Variants in VAV2 observed in about 807,000 individuals in gnomAD.
VAV2 encodes the protein guanine nucleotide exchange factor VAV2.
Under a neutral mutation model 132.5 loss-of-function variants are expected in VAV2, and 67 were observed. The ratio of observed to expected loss-of-function variants is 0.51; its 90% CI spans 0.42 to 0.62. The LOEUF is 0.62. Among genes scored for constraint, VAV2 ranks in the 20% least tolerant of loss-of-function variants. VAV2 has a pLI of 0.00. For synonymous variants in VAV2, 492 were observed against 443.5 expected, an observed-to-expected ratio of 1.11 and a Z score of -1.37; for missense variants, 938 against 1,153.6, an observed-to-expected ratio of 0.81 and a Z score of 2.71.
chr9:133,875,190 G>A (rs1353596014), intron 2 of VAV2, among the ~76,000 whole-genome samples: 1 of 152,210 alleles, frequency 6.6e-6, no homozygotes, highest in Non-Finnish European at 1.5e-5. Context: ...GCAAGCCGGG[G>A]CTCAGGAGGT....
At chr9:133,910,086 C>T (rs755633174) in intron 2 of VAV2, among the ~76,000 whole-genome samples, 1 of 152,194 alleles carries the variant, frequency 6.6e-6, no homozygotes, top group Non-Finnish European at 1.5e-5. Context: ...TCTGAAAAGT[C>T]GGCTTCAATG....
intron 8 of VAV2, among the ~76,000 whole-genome samples, 195 bp from the exon 9 acceptor site, chr9:133,806,376 G>C (rs1292977151): frequency 6.6e-6 from 1 of 152,210 alleles, no homozygotes. Flanking sequence ...TGGTGCAACA[G>C]AAGAGCCAGT....
At chr9:133,838,844 T>C (rs1055743847) in intron 3 of VAV2, among the ~76,000 whole-genome samples, 2 of 94,152 alleles carry the variant, frequency 2.1e-5, no homozygotes, top group Non-Finnish European at 4.0e-5. Context: ...GGTTGGTGGA[T>C]GGATGAATGG....
At chr9:133,894,845 G>A (rs966469275) in intron 2 of VAV2, among the ~76,000 whole-genome samples, 1 of 152,302 alleles carries the variant, frequency 6.6e-6, no homozygotes, top group Middle Eastern at 3.4e-3. Context: ...CTGCCATGAC[G>A]CTATGACCCT....
intron 1 of VAV2, among the ~76,000 whole-genome samples, chr9:133,959,320 C>T (rs1336120389): frequency 6.6e-6 from 1 of 152,148 alleles, no homozygotes; most frequent in African/African-American, 2.4e-5. Flanking sequence ...CCCTGCACCC[C>T]GACCCACCTC....
intron 2 of VAV2, among the ~76,000 whole-genome samples, chr9:133,937,507 A>AGAGTGTGTGTGCGTGTGAGAGT (rs56372919): frequency 6.7e-6 from 1 of 149,426 alleles, no homozygotes; most frequent in Non-Finnish European, 1.5e-5. Context: ...TGTGCGTGTG[A>AGAGTGTGTGTGCGTGTGAGAGT]GTGTGTGTGC....
At chr9:133,987,038 T>C (rs2132310170) in intron 1 of VAV2, among the ~76,000 whole-genome samples, 1 of 149,698 alleles carries the variant, frequency 6.7e-6, no homozygotes, top group South Asian at 2.1e-4. Flanking sequence ...TTATTATATA[T>C]TTATTTATTT....
chr9:133,808,846 C>G (rs969944932), intron 7 of VAV2, among the ~76,000 whole-genome samples, 194 bp downstream of exon 7: 8 of 152,206 alleles, frequency 5.3e-5, no homozygotes, highest in Admixed American at 2.0e-4. Flanking sequence ...TCAGGGGCTT[C>G]AGAGGAAAGG....
In VAV2 at chr9:133,885,810, T is replaced by C. The variant is rs887196693; in HGVS notation, c.322-24378A>G. On this transcript the variant is annotated intron_variant, in intron 2 of 29. Transcript: ENST00000371850. This position sits in a 1 kb window ranked among gnomAD's most constrained non-coding sequence, Gnocchi z 5.0. Reference sequence around the variant, plus strand: ...CCGGCACAAACCCTTCACAAAGCACTCACCCACTTACCCTTGGGCTGGAAG... The same window carrying C: ...CCGGCACAAACCCTTCACAAAGCACCCACCCACTTACCCTTGGGCTGGAAG... Among the ~76,000 whole-genome samples, 1 of 152,082 alleles carries C rather than the reference T, an allele frequency of 6.6e-6. No individual in the cohort carries two copies. The highest frequency in any genetic ancestry group is 1.5e-5 in the Non-Finnish European group (1 of 67,998).
rs577890173 is a variant in VAV2 at position 133,778,166 on chromosome 9, G to T, written c.1890+596C>A. ...TTTACAGCCCAGCCATCTGCTGAAGGTGGGGATGAACGCCCACAAAGGTCC... is the reference window on the plus strand; with the variant it reads ...TTTACAGCCCAGCCATCTGCTGAAGTTGGGGATGAACGCCCACAAAGGTCC... On this transcript the variant is annotated intron_variant, in intron 22 of 29. Coordinates refer to ENST00000371850, the MANE Select transcript of VAV2 (RefSeq NM_001134398.2). Among the ~76,000 whole-genome samples, 398 of 149,862 alleles carry T rather than the reference G, an allele frequency of 2.7e-3. 1 individual carries two copies. Among genetic ancestry groups the T allele is most frequent in the African/African-American group, 9.4e-3 (376 of 39,906 alleles).
At chr9:133,911,397 C>T (rs1839880680) in intron 2 of VAV2, among the ~76,000 whole-genome samples, 1 of 152,222 alleles carries the variant, frequency 6.6e-6, no homozygotes, top group Admixed American at 6.5e-5. Context: ...TGACGTTCAA[C>T]TGCATTGAAT....
intron 13 of VAV2, among the ~76,000 whole-genome samples, chr9:133,790,319 G>A (rs1213677610): frequency 6.6e-6 from 1 of 152,150 alleles, no homozygotes; most frequent in Non-Finnish European, 1.5e-5. Flanking sequence ...TGCGATTATA[G>A]GCACCCGCCA....
intron 18 of VAV2, 68 bp downstream of exon 18, chr9:133,784,249 T>C: frequency 8.5e-6 from 13 of 1,520,876 alleles, no homozygotes; most frequent in Non-Finnish European, 1.2e-5. Flanking sequence ...GATAGAACAC[T>C]AAGCTCTCTC....
At chr9:133,910,170 T>A (rs1037097536) in intron 2 of VAV2, among the ~76,000 whole-genome samples, 6 of 152,148 alleles carry the variant, frequency 3.9e-5, no homozygotes, top group African/African-American at 1.4e-4. Context: ...TTGCAGCCAT[T>A]GTGAACCATG....
chr9:133,949,853 A>G (rs1223557071), intron 1 of VAV2, among the ~76,000 whole-genome samples: 4 of 152,204 alleles, frequency 2.6e-5, no homozygotes, highest in South Asian at 4.1e-4. Context: ...AGAGAGGCAG[A>G]ACACCTGCCC....
chr9:133,780,797 T>C lies in VAV2; in HGVS notation c.1724-87A>G, dbSNP rs986148522. On this transcript the variant is annotated intron_variant, in intron 19 of 29. Coordinates refer to ENST00000371850, the MANE Select transcript of VAV2 (RefSeq NM_001134398.2). ...TCTCACTCACACCGCCCCGAGCCTC[T>C]GGGCCGAGCTTAAGATGGTAAGTGA... 49 of 1,236,570 alleles carry C rather than the reference T, an allele frequency of 4.0e-5. No individual in the cohort carries two copies. In the East Asian group the frequency reaches 1.4e-3, roughly 36 times the overall value. 76.6% of individuals were successfully genotyped at this position (1,236,570 alleles called of 1,614,324 possible).
At chr9:133,948,838 G>A (rs2132171426) in intron 1 of VAV2, among the ~76,000 whole-genome samples, 1 of 152,346 alleles carries the variant, frequency 6.6e-6, no homozygotes, top group Admixed American at 6.5e-5. Context: ...TGGTCTACAG[G>A]TGGAGAAACG....
intron 4 of VAV2, among the ~76,000 whole-genome samples, chr9:133,821,607 C>T (rs917944458): frequency 1.3e-5 from 2 of 152,146 alleles, no homozygotes; most frequent in Non-Finnish European, 2.9e-5. Flanking sequence ...GCACAGGGGC[C>T]GGTCTCAACA....
In VAV2 at chr9:133,961,734, C is replaced by G. The variant is rs1841971903; in HGVS notation, c.205-22515G>C. On this transcript the variant is annotated intron_variant, in intron 1 of 29. Transcript: ENST00000371850. This position sits in a 1 kb window ranked among gnomAD's most constrained non-coding sequence, Gnocchi z 4.1. ...ACTCCCAAGCCAGCTGCAGAAAAGA[C>G]ACAGGACACAACCACGGCCCAGTGG... 6.6e-6 allele frequency among the ~76,000 whole-genome samples: 1 copy of G among 152,192 alleles called. No individual in the cohort carries two copies. The highest frequency in any genetic ancestry group is 2.4e-5 in the African/African-American group (1 of 41,440).
Sources: allele counts gnomAD v4.1 joint callset (sites outside exome capture counted in the v4.1 genomes callset), GRCh38; gene constraint gnomAD v4.1.1; non-coding constraint Gnocchi (gnomAD v3.1); transcripts MANE v1.5; gene names NCBI Gene and HGNC (gene_info 2026-07-23, HGNC 2026-07-21).